DLG2: variants seen among roughly 807,000 people sequenced by gnomAD.
DLG2 encodes discs large MAGUK scaffold protein 2.
A neutral mutation model predicts 132.5 loss-of-function variants in DLG2; 45 were observed. The observed-to-expected ratio is 0.34, with a 90% CI of 0.27 to 0.44. DLG2 has a LOEUF of 0.44. Ranked by LOEUF, DLG2 falls within the 20% of genes least tolerant of loss-of-function variation. The pLI is 1.00. For synonymous variants in DLG2, 424 were observed against 419.6 expected, an observed-to-expected ratio of 1.01 and a Z score of -0.13; for missense variants, 1,045 against 1,196.9, an observed-to-expected ratio of 0.87 and a Z score of 1.87.
At chr11:84,606,866 C>T (rs1362662279) in intron 6 of DLG2, among the ~76,000 whole-genome samples, 1 of 152,116 alleles carries the variant, frequency 6.6e-6, no homozygotes, top group Non-Finnish European at 1.5e-5. Flanking sequence ...AAGACCAGTT[C>T]AATCCCTTCC....
intron 10 of DLG2, among the ~76,000 whole-genome samples, chr11:84,096,441 T>C (rs2097166306): frequency 6.6e-6 from 1 of 152,204 alleles, no homozygotes; most frequent in African/African-American, 2.4e-5. Context: ...GCCACCATGT[T>C]TGCAGGCAAA....
chr11:84,738,928 G>A (rs1415808614), intron 6 of DLG2, among the ~76,000 whole-genome samples: 1 of 152,072 alleles, frequency 6.6e-6, no homozygotes, highest in African/African-American at 2.4e-5. Flanking sequence ...TGTTCCAATT[G>A]AAAGGCATGA....
At chr11:84,643,620 A>C (rs2099670867) in intron 6 of DLG2, among the ~76,000 whole-genome samples, 1 of 152,196 alleles carries the variant, frequency 6.6e-6, no homozygotes, top group South Asian at 2.1e-4. Context: ...TACAAAGCAG[A>C]GATTTCACCC....
intron 6 of DLG2, among the ~76,000 whole-genome samples, chr11:84,903,673 T>A (rs1164427985): frequency 6.6e-6 from 1 of 152,128 alleles, no homozygotes; most frequent in Non-Finnish European, 1.5e-5. Context: ...GAATATAGTT[T>A]CCCTCAACTA....
At chr11:84,554,402 T>C (rs2099407798) in intron 6 of DLG2, among the ~76,000 whole-genome samples, 1 of 152,142 alleles carries the variant, frequency 6.6e-6, no homozygotes, top group African/African-American at 2.4e-5. Flanking sequence ...GGCAGTATTA[T>C]TTCTCTTGTG....
intron 2 of DLG2, chr11:85,625,206 T>G (rs762144584): frequency 7.9e-5 from 12 of 152,158 alleles, no homozygotes; most frequent in Admixed American, 2.6e-4. Context: ...CGTAATGTGT[T>G]TAATTCCATT....
intron 8 of DLG2, among the ~76,000 whole-genome samples, chr11:84,211,931 AGAG>A (rs2096761227): frequency 6.6e-6 from 1 of 152,218 alleles, no homozygotes; most frequent in African/African-American, 2.4e-5. Flanking sequence ...ATTCTATATA[AGAG>A]GATAAATAGA....
At chr11:84,145,395 A>G (rs750910714) in intron 9 of DLG2, among the ~76,000 whole-genome samples, 100 of 152,222 alleles carry the variant, frequency 6.6e-4, no homozygotes, top group Non-Finnish European at 1.0e-3. Context: ...AGTACAATCA[A>G]TATGTTAATA....
intron 16 of DLG2, among the ~76,000 whole-genome samples, chr11:83,846,174 G>A (rs975921545): frequency 5.3e-5 from 8 of 152,242 alleles, no homozygotes; most frequent in African/African-American, 1.9e-4. Context: ...AAGGAAAGTA[G>A]AGGGTATTTC....
intron 11 of DLG2, among the ~76,000 whole-genome samples, chr11:84,039,926 A>G (rs1057416833): frequency 2.0e-5 from 3 of 146,450 alleles, no homozygotes; most frequent in African/African-American, 7.4e-5. Context: ...CTGGTGTGAG[A>G]TGGTATCTCA....
chr11:85,384,729 G>A (rs2086184908), intron 3 of DLG2, among the ~76,000 whole-genome samples: 1 of 151,976 alleles, frequency 6.6e-6, no homozygotes, highest in South Asian at 2.1e-4. Flanking sequence ...CACCATGCTG[G>A]GCTAAGTTTT....
At chr11:84,988,392 T>C (rs911946065) in intron 6 of DLG2, among the ~76,000 whole-genome samples, 4 of 152,214 alleles carry the variant, frequency 2.6e-5, no homozygotes, top group Non-Finnish European at 5.9e-5. Flanking sequence ...GAAGTCGTTA[T>C]ATGAAAAAGA....
chr11:84,827,758 C>G (rs1257614985), intron 6 of DLG2, among the ~76,000 whole-genome samples: 1 of 133,922 alleles, frequency 7.5e-6, no homozygotes, highest in African/African-American at 2.8e-5. Flanking sequence ...CCATTTTTTT[C>G]TATTCACTGG....
intron 3 of DLG2, among the ~76,000 whole-genome samples, chr11:85,347,242 C>A (rs1369255129): frequency 6.6e-6 from 1 of 152,002 alleles, no homozygotes; most frequent in Non-Finnish European, 1.5e-5. Flanking sequence ...GAATCATGCT[C>A]CCCCTAAGCT....
intron 8 of DLG2, among the ~76,000 whole-genome samples, chr11:84,218,482 C>G (rs2096869977): frequency 6.6e-6 from 1 of 152,072 alleles, no homozygotes; most frequent in Non-Finnish European, 1.5e-5. Context: ...CCTCTTGTAT[C>G]TACATATTAC....
At chr11:85,301,192 C>G (rs945250677) in intron 3 of DLG2, among the ~76,000 whole-genome samples, 1 of 151,974 alleles carries the variant, frequency 6.6e-6, no homozygotes, top group African/African-American at 2.4e-5. Context: ...CAGAACAAGA[C>G]TCCATCTCAA....
chr11:85,398,266 C>A (rs777436126), intron 3 of DLG2, among the ~76,000 whole-genome samples: 6 of 152,248 alleles, frequency 3.9e-5, no homozygotes, highest in Non-Finnish European at 8.8e-5. Flanking sequence ...ATCTTTGGGA[C>A]ACATTTAAAG....
intron 7 of DLG2, among the ~76,000 whole-genome samples, chr11:84,425,276 A>G (rs538398008): frequency 6.6e-6 from 1 of 152,102 alleles, no homozygotes; most frequent in East Asian, 1.9e-4. Flanking sequence ...AGAAGATATG[A>G]CTTTCAAATT....
intron 4 of DLG2, among the ~76,000 whole-genome samples, chr11:85,238,212 T>C (rs981630748): frequency 1.0e-5 from 1 of 99,450 alleles, no homozygotes. Flanking sequence ...TTATTTTATT[T>C]ATTTATTTAT....
Sources: gnomAD v4.1 joint callset for allele counts (sites outside exome capture counted in the v4.1 genomes callset) on GRCh38, gnomAD v4.1.1 for gene constraint, MANE v1.5 for transcripts, NCBI Gene and HGNC (gene_info 2026-07-23, HGNC 2026-07-21) for gene names.